RORA: variants seen among roughly 807,000 people sequenced by gnomAD.
The protein encoded by RORA is nuclear receptor ROR-alpha.
In RORA, 7 loss-of-function variants were observed where a neutral mutation model predicts 69.5. That is an observed-to-expected ratio of 0.10 (90% CI 0.06 to 0.19). The LOEUF (loss-of-function observed/expected upper bound fraction) is 0.19. RORA is among the 10% of genes least tolerant of loss of function. RORA has a pLI of 1.00. For missense variants in RORA, 457 were observed against 663.0 expected, an observed-to-expected ratio of 0.69 and a Z score of 3.41; for synonymous variants, 261 against 240.8, an observed-to-expected ratio of 1.08 and a Z score of -0.78.
intron 1 of RORA, among the ~76,000 whole-genome samples, chr15:61,097,029 C>CTCTT (rs1037646040): frequency 1.3e-5 from 2 of 152,178 alleles, no homozygotes; most frequent in African/African-American, 2.4e-5. Context: ...CATCCAGAGG[C>CTCTT]TCTTACTCTA....
chr15:60,682,618 T>C (rs1191028335), intron 1 of RORA, among the ~76,000 whole-genome samples: 1 of 151,994 alleles, frequency 6.6e-6, no homozygotes, highest in East Asian at 1.9e-4. Flanking sequence ...GTCTTAAATT[T>C]AAAAAAATAA....
At chr15:61,010,850 G>T (rs1895064450) in intron 1 of RORA, among the ~76,000 whole-genome samples, 1 of 152,100 alleles carries the variant, frequency 6.6e-6, no homozygotes, top group South Asian at 2.1e-4. Flanking sequence ...TACTCCCTCA[G>T]GTTCTTCCCT....
intron 1 of RORA, chr15:60,847,758 G>T (rs906142702): frequency 3.3e-5 from 5 of 151,954 alleles, no homozygotes; most frequent in Non-Finnish European, 7.4e-5. Context: ...GGATAGATTG[G>T]GTAAAGATAA....
intron 1 of RORA, among the ~76,000 whole-genome samples, chr15:60,874,556 A>G (rs2073593262): frequency 6.6e-6 from 1 of 152,178 alleles, no homozygotes; most frequent in Non-Finnish European, 1.5e-5. Flanking sequence ...CTGTTTTCCA[A>G]TTCAACTTTA....
intron 1 of RORA, among the ~76,000 whole-genome samples, chr15:60,961,424 A>G (rs1423318483): frequency 6.6e-6 from 1 of 152,212 alleles, no homozygotes; most frequent in Non-Finnish European, 1.5e-5. Flanking sequence ...TGAAGCCAAG[A>G]TTCACAAAGA....
At chr15:60,805,114 A>G (rs781705807) in intron 1 of RORA, among the ~76,000 whole-genome samples, 4 of 152,074 alleles carry the variant, frequency 2.6e-5, no homozygotes, top group Admixed American at 6.6e-5. Flanking sequence ...CACTTCCCCA[A>G]CCTGCAGCTG....
chr15:60,523,214 C>G (rs145425813), intron 3 of RORA, among the ~76,000 whole-genome samples: 1 of 152,060 alleles, frequency 6.6e-6, no homozygotes, highest in Non-Finnish European at 1.5e-5. Flanking sequence ...TCATTGTTGG[C>G]GAATGAATGA....
At chr15:60,639,688 T>C (rs1444149943) in intron 2 of RORA, among the ~76,000 whole-genome samples, 3 of 152,210 alleles carry the variant, frequency 2.0e-5, no homozygotes, top group Non-Finnish European at 4.4e-5. Context: ...AATTTCCAGC[T>C]ACAGCACCTC....
chr15:60,780,886 A>T (rs1311892348), intron 1 of RORA, among the ~76,000 whole-genome samples: 1 of 152,202 alleles, frequency 6.6e-6, no homozygotes, highest in Non-Finnish European at 1.5e-5. Context: ...CTCTGATAAA[A>T]GCTGATTTTT....
intron 1 of RORA, among the ~76,000 whole-genome samples, chr15:60,779,374 A>G (rs1169882048): frequency 1.3e-5 from 2 of 152,140 alleles, no homozygotes; most frequent in African/African-American, 4.8e-5. Context: ...AAGGCTCACC[A>G]ATGGTCCATT....
At chr15:61,007,116 G>C (rs989114865) in intron 1 of RORA, among the ~76,000 whole-genome samples, 11 of 152,040 alleles carry the variant, frequency 7.2e-5, no homozygotes, top group African/African-American at 2.7e-4. Flanking sequence ...ATAACTGCCT[G>C]TCCAGGGCTA....
rs867990828 is a variant in RORA, at chr15:60,511,286, A to G, written c.760T>C (p.Phe254Leu). The change falls in exon 5 of 11, where the codon TTT (phenylalanine) becomes CTT (leucine). Residue 254 changes from phenylalanine to leucine, a missense_variant. By Grantham distance (22) the Phe-to-Leu change is conservative. Transcript: ENST00000335670. The surrounding 1 kb of genome is among the most constrained non-coding windows in gnomAD (Gnocchi z 6.4). ...CCGTTGGTGAACGAACAGTAGGGAA[A>G]GAAGCCTGATGCTGGTGTGTAGTCA... ...ICDYTPASGF[F>L]PYCSFTNGET... 1 of 1,614,224 alleles carries G rather than the reference A, an allele frequency of 6.2e-7. No homozygotes were observed. The highest frequency in any genetic ancestry group is 8.5e-7 in the Non-Finnish European group (1 of 1,180,028).
chr15:60,696,743 T>G (rs2070912795), intron 1 of RORA, among the ~76,000 whole-genome samples: 1 of 152,214 alleles, frequency 6.6e-6, no homozygotes, highest in African/African-American at 2.4e-5. Flanking sequence ...GGAGCCAAAA[T>G]TCTAGGAAAA....
chr15:60,500,668 C>CTGGTGTT (rs2065303088), intron 9 of RORA, among the ~76,000 whole-genome samples: 1 of 152,212 alleles, frequency 6.6e-6, no homozygotes, highest in Non-Finnish European at 1.5e-5. Flanking sequence ...TATTCCACCA[C>CTGGTGTT]AGCATTTCTC....
rs565558549 is a variant in RORA at position 60,613,053 on chromosome 15, G to A, written c.196+65604C>T. ...TTTTTTAATTCTATTTAAAGTGTAG[G>A]TGAAGGTGATTATATCTTTCCAAAG... On this transcript the variant is annotated intron_variant, in intron 2 of 10. Transcript: ENST00000335670. 2.0e-4 allele frequency among the ~76,000 whole-genome samples: 30 copies of A among 151,420 alleles called. No homozygotes were observed. In the East Asian group the frequency reaches 5.8e-3, roughly 29 times the overall value.
In RORA at chr15:61,207,801, T is replaced by G. The variant is rs371522084; in HGVS notation, c.166+21252A>C. Among the ~76,000 whole-genome samples the G allele has an allele frequency of 5.3e-5, 8 of 152,350 alleles. No individual in the cohort carries two copies. The East Asian group carries it at 1.2e-3, about 22-fold the overall frequency. ...TCTTGCTTCCAAATACTTCATCCAATGTGTAAAATAAATGCAAAACAACAA... is the reference window on the plus strand; with the variant it reads ...TCTTGCTTCCAAATACTTCATCCAAGGTGTAAAATAAATGCAAAACAACAA... On this transcript the variant is annotated intron_variant, in intron 1 of 10. Transcript: ENST00000335670.
chr15:60,954,495 A>G (rs1379880897), intron 1 of RORA, among the ~76,000 whole-genome samples: 2 of 151,898 alleles, frequency 1.3e-5, no homozygotes, highest in African/African-American at 4.8e-5. Context: ...AATCTTTACA[A>G]GTGGATGGTG....
intron 1 of RORA, among the ~76,000 whole-genome samples, chr15:60,720,862 A>C (rs530832293): frequency 9.5e-4 from 144 of 152,176 alleles, no homozygotes; most frequent in African/African-American, 3.3e-3. Flanking sequence ...TTGCATTTGA[A>C]TTTGCCATAT....
At chr15:60,696,153 C>T (rs980911433) in intron 1 of RORA, among the ~76,000 whole-genome samples, 2 of 152,190 alleles carry the variant, frequency 1.3e-5, no homozygotes, top group African/African-American at 2.4e-5. Context: ...CTTTCTTTTC[C>T]TCACGGTGAC....
Sources: allele counts gnomAD v4.1 joint callset (sites outside exome capture counted in the v4.1 genomes callset), GRCh38; gene constraint gnomAD v4.1.1; non-coding constraint Gnocchi (gnomAD v3.1); transcripts MANE v1.5; gene names NCBI Gene and HGNC (gene_info 2026-07-23, HGNC 2026-07-21).